RANBP2: variants seen among roughly 807,000 people sequenced by gnomAD.
The protein encoded by RANBP2 is RAN binding protein 2, also known as E3 SUMO-protein ligase RanBP2.
Under a neutral mutation model 303.6 loss-of-function variants are expected in RANBP2, and 57 were observed. The ratio of observed to expected loss-of-function variants is 0.19; its 90% CI spans 0.15 to 0.23. RANBP2 has a LOEUF of 0.23. Among genes scored for constraint, RANBP2 ranks in the 10% least tolerant of loss-of-function variants. The pLI, the probability that RANBP2 is intolerant of heterozygous loss-of-function variation, is 1.00. For missense variants in RANBP2, 3,138 were observed against 3,780.8 expected (o/e 0.83, Z 4.46); for synonymous variants, 1,167 against 1,301.5 (o/e 0.90, Z 2.23).
chr2:109,367,787 A>G, the RANBP2 span, among the ~76,000 whole-genome samples: 1 of 152,188 alleles, frequency 6.6e-6, no homozygotes, highest in African/African-American at 2.4e-5. Flanking sequence ...CTTTCTGCAC[A>G]CTTGATTTTT....
At chr2:109,115,706 A>C in the RANBP2 span, among the ~76,000 whole-genome samples, 1 of 146,064 alleles carries the variant, frequency 6.8e-6, no homozygotes, top group East Asian at 2.0e-4. Context: ...TCGTTAGTTG[A>C]TGCAGTTTCT....
chr2:109,262,318 G>A, the RANBP2 span, among the ~76,000 whole-genome samples: 1 of 152,344 alleles, frequency 6.6e-6, no homozygotes, highest in African/African-American at 2.4e-5. Context: ...AGTAACCACG[G>A]TGGAAAAGCA....
chr2:109,015,917 G>A, the RANBP2 span, among the ~76,000 whole-genome samples: 4 of 152,180 alleles, frequency 2.6e-5, no homozygotes, highest in Non-Finnish European at 4.4e-5. Flanking sequence ...AGTTAGACAC[G>A]GGTTTTCAGC....
At chr2:109,044,999 G>A in the RANBP2 span, among the ~76,000 whole-genome samples, 1 of 152,204 alleles carries the variant, frequency 6.6e-6, no homozygotes, top group Non-Finnish European at 1.5e-5. Flanking sequence ...AATAGTTCCA[G>A]CAGGAGTTTT....
intron 17 of RANBP2, among the ~76,000 whole-genome samples, chr2:108,757,079 C>T (rs1676375008): frequency 6.6e-6 from 1 of 152,144 alleles, no homozygotes; most frequent in Non-Finnish European, 1.5e-5. Context: ...AGCAGACATG[C>T]TAGATCTGTC....
At chr2:109,129,777 C>T in the RANBP2 span, 9 of 1,539,342 alleles carry the variant, frequency 5.8e-6, no homozygotes, top group Admixed American at 2.0e-5. Context: ...CTTTCTGCCG[C>T]CGCTGCCTGG....
the RANBP2 span, among the ~76,000 whole-genome samples, chr2:109,086,947 G>A: frequency 6.6e-6 from 1 of 152,270 alleles, no homozygotes; most frequent in South Asian, 2.1e-4. Context: ...CTAAGCTCCC[G>A]GGCCCACAGC....
At chr2:109,387,106 G>A in the RANBP2 span, among the ~76,000 whole-genome samples, 476 of 152,256 alleles carry the variant, frequency 3.1e-3, 1 homozygote, top group African/African-American at 0.011. Context: ...GAGGTGAAAC[G>A]TTGTTAGCAT....
At chr2:109,433,495 C>A in the RANBP2 span, among the ~76,000 whole-genome samples, 158 of 152,308 alleles carry the variant, frequency 1.0e-3, 2 homozygotes, top group East Asian at 0.029. Context: ...CACAGAAGCC[C>A]CTCGTGGGCA....
At chr2:109,687,766 A>G in the RANBP2 span, among the ~76,000 whole-genome samples, 1 of 144,434 alleles carries the variant, frequency 6.9e-6, no homozygotes, top group Non-Finnish European at 1.5e-5. Context: ...TTTTTGAAAC[A>G]GGGTCTGACT....
At chr2:109,317,891 G>A in the RANBP2 span, among the ~76,000 whole-genome samples, 1 of 141,478 alleles carries the variant, frequency 7.1e-6, no homozygotes, top group African/African-American at 2.4e-5. Flanking sequence ...GAGGAAAGAT[G>A]TATGTGGCCA....
At chr2:109,069,943 G>A in the RANBP2 span, among the ~76,000 whole-genome samples, 1 of 152,208 alleles carries the variant, frequency 6.6e-6, no homozygotes, top group East Asian at 1.9e-4. Context: ...AATAAGCAGT[G>A]TACTTTCAGA....
At chr2:109,336,902 G>T in the RANBP2 span, among the ~76,000 whole-genome samples, 2 of 152,154 alleles carry the variant, frequency 1.3e-5, no homozygotes, top group African/African-American at 4.8e-5. Flanking sequence ...TCCTGTCCCA[G>T]AGCAAAGGGC....
chr2:109,200,037 C>T, the RANBP2 span, among the ~76,000 whole-genome samples: 1 of 151,908 alleles, frequency 6.6e-6, no homozygotes, highest in Non-Finnish European at 1.5e-5. Context: ...CATGGGACAG[C>T]CCCCCACAGA....
the RANBP2 span, among the ~76,000 whole-genome samples, chr2:109,360,433 T>C: frequency 6.6e-6 from 1 of 152,206 alleles, no homozygotes; most frequent in Non-Finnish European, 1.5e-5. Flanking sequence ...TGCACAAAAT[T>C]ATTAAAATGT....
At chr2:109,455,428 C>T in the RANBP2 span, among the ~76,000 whole-genome samples, 1 of 152,192 alleles carries the variant, frequency 6.6e-6, no homozygotes, top group African/African-American at 2.4e-5. Flanking sequence ...CAGAATGACC[C>T]ATAATGACAG....
chr2:109,152,021 C>T, the RANBP2 span, among the ~76,000 whole-genome samples: 1 of 152,132 alleles, frequency 6.6e-6, no homozygotes, highest in African/African-American at 2.4e-5. Flanking sequence ...TTTAAATTTC[C>T]CAATGGGAAG....
the RANBP2 span, among the ~76,000 whole-genome samples, chr2:108,821,832 C>T: frequency 6.6e-6 from 1 of 151,142 alleles, no homozygotes; most frequent in Non-Finnish European, 1.5e-5. Flanking sequence ...ATAATCCCAG[C>T]TACTCCAGAG....
chr2:109,426,830 C>T, the RANBP2 span, among the ~76,000 whole-genome samples: 1 of 152,164 alleles, frequency 6.6e-6, no homozygotes, highest in Admixed American at 6.5e-5. Context: ...GAAGTTGCCA[C>T]AGCCACCCCC....
Sources: allele counts gnomAD v4.1 joint callset (sites outside exome capture counted in the v4.1 genomes callset), GRCh38; gene constraint gnomAD v4.1.1; transcripts MANE v1.5; gene names NCBI Gene and HGNC (gene_info 2026-07-23, HGNC 2026-07-21).